Variants in POLR2F observed in about 807,000 individuals in gnomAD.
POLR2F encodes DNA-directed RNA polymerases I, II, and III subunit RPABC2.
POLR2F carries 12 observed loss-of-function variants against 22.7 expected under a neutral mutation model. The observed-to-expected ratio is 0.53, with a 90% CI of 0.34 to 0.86. POLR2F has a LOEUF of 0.86. Among genes scored for constraint, POLR2F ranks in the 40% least tolerant of loss-of-function variants. The probability of loss-of-function intolerance (pLI) is 0.02; values close to 1 mark genes in which losing one functional copy is unlikely to be tolerated. For missense variants in POLR2F, 126 were observed against 171.5 expected (o/e 0.73, Z 1.48); for synonymous variants, 57 against 66.0 (o/e 0.86, Z 0.66).
At chr22:38,019,111 G>T (rs563847374) in intron 1 of POLR2F, among the ~76,000 whole-genome samples, 17 of 152,200 alleles carry the variant, frequency 1.1e-4, no homozygotes, top group African/African-American at 4.1e-4. Flanking sequence ...CCCTGTGCAC[G>T]TGGCTGTGTG....
chr22:38,034,861 T>C (rs747331758), intron 5 of POLR2F, among the ~76,000 whole-genome samples: 5 of 152,114 alleles, frequency 3.3e-5, no homozygotes, highest in Non-Finnish European at 7.4e-5. Context: ...GGCCCAGGGC[T>C]GGGAGTGGTG....
chr22:37,986,606 C>G lies in POLR2F; in HGVS notation c.120+294C>G. Reference sequence around the variant, plus strand: ...CACGCTAGACAGAAGGGGCCACTCCCTCTCTCTCTCCCTTGTCCCCGCACA... The same window carrying G: ...CACGCTAGACAGAAGGGGCCACTCCGTCTCTCTCTCCCTTGTCCCCGCACA... On this transcript the variant is annotated intron_variant, in intron 1 of 2. Transcript: ENST00000333418. The surrounding 1 kb of genome is among the most constrained non-coding windows in gnomAD (Gnocchi z 4.7). 1.5e-6 allele frequency: 1 copy of G among 674,704 alleles called. No individual in the cohort carries two copies. The highest frequency in any genetic ancestry group is 1.5e-5 in the South Asian group (1 of 66,386). 41.8% of individuals were successfully genotyped at this position (674,704 alleles called of 1,614,324 possible). A position where few individuals can be genotyped will look rare whatever the true frequency, so the allele number is the denominator to read the frequency against.
intron 1 of POLR2F, among the ~76,000 whole-genome samples, chr22:38,007,171 C>T (rs2084828987): frequency 1.3e-5 from 2 of 152,122 alleles, no homozygotes; most frequent in Admixed American, 1.3e-4. Flanking sequence ...GAAGGGCCCT[C>T]CCAGAGTGCC....
In POLR2F at chr22:37,968,895, G is replaced by T; in HGVS notation, c.*1180G>T. Reference sequence around the variant, plus strand: ...GGGGTGTCCGCTGCCCTGGAGAAGGGTTAATTCAGGGAGCAGTGGACTTCA... The same window carrying T: ...GGGGTGTCCGCTGCCCTGGAGAAGGTTTAATTCAGGGAGCAGTGGACTTCA... On this transcript the variant is annotated 3_prime_UTR_variant, in exon 5 of 5. Coordinates refer to ENST00000442738, the MANE Select transcript of POLR2F (RefSeq NM_021974.5). The T allele has an allele frequency of 1.0e-6, 1 of 985,346 alleles. No individual in the cohort carries two copies. The highest frequency in any genetic ancestry group is 1.2e-6 in the Non-Finnish European group (1 of 829,858). 61.0% of individuals were successfully genotyped at this position (985,346 alleles called of 1,614,324 possible).
intron 1 of POLR2F, among the ~76,000 whole-genome samples, chr22:38,025,336 A>G (rs1014578643): frequency 3.9e-5 from 6 of 152,184 alleles, no homozygotes; most frequent in East Asian, 1.9e-4. Context: ...CACACATGCA[A>G]TTATACACAC....
intron 4 of POLR2F, among the ~76,000 whole-genome samples, chr22:37,977,663 G>A (rs988138736): frequency 6.6e-6 from 1 of 152,074 alleles, no homozygotes; most frequent in African/African-American, 2.4e-5. Context: ...AGTAGGATCA[G>A]CCCTGGCCAG....
intron 5 of POLR2F, among the ~76,000 whole-genome samples, chr22:38,036,953 C>T (rs2085122111): frequency 1.3e-5 from 2 of 152,190 alleles, no homozygotes; most frequent in South Asian, 4.1e-4. Context: ...AAAGGTCATA[C>T]TCTTGCAGGG....
downstream of POLR2F, among the ~76,000 whole-genome samples, chr22:38,030,694 G>C (rs935950384): frequency 5.3e-5 from 8 of 152,194 alleles, no homozygotes; most frequent in African/African-American, 1.9e-4. Context: ...TATGCACTGG[G>C]TGATTCAGGC....
At chr22:38,006,940 T>C (rs1180737917) in intron 1 of POLR2F, among the ~76,000 whole-genome samples, 3 of 152,072 alleles carry the variant, frequency 2.0e-5, no homozygotes, top group East Asian at 1.9e-4. Flanking sequence ...GTTTCCAGAG[T>C]GCACCCTGCA....
intron 4 of POLR2F, among the ~76,000 whole-genome samples, chr22:37,979,581 C>T (rs931332867): frequency 1.3e-5 from 2 of 152,024 alleles, no homozygotes; most frequent in African/African-American, 4.8e-5. Context: ...ATCCTATATC[C>T]TTGTCCAGAA....
chr22:38,025,821 T>C (rs1257312019), intron 1 of POLR2F: 1 of 1,404,016 alleles, frequency 7.1e-7, no homozygotes, highest in East Asian at 2.3e-5. Flanking sequence ...GCCAGCATGG[T>C]GTTTCCTATG....
At chr22:37,964,572 CTTTTTT>C (rs11428366) in intron 3 of POLR2F, among the ~76,000 whole-genome samples, 2 of 131,304 alleles carry the variant, frequency 1.5e-5, no homozygotes, top group Non-Finnish European at 3.2e-5. Context: ...TTCTTTCTTT[CTTTTTT>C]TTTTTTTTTT....
intron 1 of POLR2F, among the ~76,000 whole-genome samples, chr22:38,008,814 C>T (rs1392820353): frequency 6.8e-6 from 1 of 146,476 alleles, no homozygotes; most frequent in African/African-American, 2.5e-5. Flanking sequence ...GCCGAGATTG[C>T]ACCACTGCAC....
intron 1 of POLR2F, among the ~76,000 whole-genome samples, chr22:38,003,724 G>A (rs1032554178): frequency 6.6e-5 from 10 of 151,670 alleles, no homozygotes; most frequent in Admixed American, 2.6e-4. Context: ...TTACTGGTGC[G>A]CGCCACCATG....
chr22:37,976,238 CA>C (rs969713356), intron 4 of POLR2F, among the ~76,000 whole-genome samples: 2 of 151,744 alleles, frequency 1.3e-5, no homozygotes, highest in South Asian at 2.1e-4. Context: ...AAAACAAAAA[CA>C]AAAAAAAGAC....
chr22:38,037,143 G>C (rs954941166), intron 5 of POLR2F, among the ~76,000 whole-genome samples: 1 of 152,182 alleles, frequency 6.6e-6, no homozygotes, highest in Non-Finnish European at 1.5e-5. Context: ...AAGCTGGTCT[G>C]TTATGTCCAC....
chr22:37,954,305 AT>A (rs764720173), intron 1 of POLR2F, among the ~76,000 whole-genome samples: 510 of 143,458 alleles, frequency 3.6e-3, no homozygotes, highest in Non-Finnish European at 3.0e-3. Context: ...CTTTGCAGTA[AT>A]TTTTTTTTTT....
At position 37,967,686 on chromosome 22, in the gene POLR2F, G is replaced by T; in HGVS notation, c.355G>T (p.Gly119Trp). The T allele has an allele frequency of 6.2e-7, 1 of 1,613,832 alleles. No individual in the cohort carries two copies. The highest frequency in any genetic ancestry group is 8.5e-7 in the Non-Finnish European group (1 of 1,179,886). The change falls in exon 5 of 5, where the codon GGG becomes TGG. Residue 119 changes from glycine (G) to tryptophan (W), a missense_variant. Gly to Trp is a radical substitution (Grantham distance 184). Transcript: ENST00000442738. ...GCCAGATGGGAGCTATGAAGACTGG[G>T]GGGTGGACGAGCTCATCATCACCGA... ...YLPDGSYEDW[G>W]VDELIITD
intron 3 of POLR2F, among the ~76,000 whole-genome samples, chr22:37,965,861 T>C (rs1229375995): frequency 6.6e-6 from 1 of 152,196 alleles, no homozygotes; most frequent in Non-Finnish European, 1.5e-5. Context: ...TAGCATGCTC[T>C]CCTGTTAATT....
Sources: gnomAD v4.1 joint callset for allele counts (sites outside exome capture counted in the v4.1 genomes callset) on GRCh38, gnomAD v4.1.1 for gene constraint, Gnocchi (gnomAD v3.1) non-coding constraint, MANE v1.5 for transcripts, NCBI Gene and HGNC (gene_info 2026-07-23, HGNC 2026-07-21) for gene names.